The following HIF1A variants were observed in gnomAD, a reference collection of about 807,000 sequenced individuals.
The protein encoded by HIF1A is hypoxia-inducible factor 1-alpha.
A neutral mutation model predicts 92.7 loss-of-function variants in HIF1A; 24 were observed. The observed-to-expected ratio is 0.26, with a 90% CI of 0.19 to 0.36. The LOEUF (loss-of-function observed/expected upper bound fraction) is 0.36, where lower values mean the gene tolerates loss of function less well. Among genes scored for constraint, HIF1A ranks in the 10% least tolerant of loss-of-function variants. The pLI is 1.00. For missense variants in HIF1A, 799 were observed against 998.5 expected, an observed-to-expected ratio of 0.80 and a Z score of 2.69; for synonymous variants, 319 against 338.7, an observed-to-expected ratio of 0.94 and a Z score of 0.64.
intron 5 of HIF1A, 66 bp downstream of exon 5, chr14:61,726,884 T>G: frequency 1.1e-6 from 1 of 906,860 alleles, no homozygotes; most frequent in South Asian, 1.8e-5. Context: ...AGTATTAAGA[T>G]AACTTTAGAA....
At position 61,747,211 on chromosome 14, in the gene HIF1A, A is replaced by G; in HGVS notation, c.*126A>G. 2 of 668,908 alleles carry G rather than the reference A, an allele frequency of 3.0e-6. No homozygotes were observed. The highest frequency in any genetic ancestry group is 1.8e-5 in the African/African-American group (1 of 54,156). 41.4% of individuals were successfully genotyped at this position (668,908 alleles called of 1,614,324 possible). A position where few individuals can be genotyped will look rare whatever the true frequency, so the allele number is the denominator to read the frequency against. ...ATACTGCACAAACTTGGTTAGTTCA[A>G]TTTTGATCCCCTTTCTACTTAATTT... On this transcript the variant is annotated 3_prime_UTR_variant, in exon 15 of 15. Coordinates refer to ENST00000337138, the MANE Select transcript of HIF1A (RefSeq NM_001530.4).
intron 8 of HIF1A, among the ~76,000 whole-genome samples, chr14:61,735,826 C>T (rs575927037): frequency 2.6e-5 from 4 of 152,100 alleles, no homozygotes; most frequent in Non-Finnish European, 4.4e-5. Context: ...TTAGGACTAT[C>T]CTTAGATCAT....
chr14:61,718,419 G>A (rs892719099), intron 1 of HIF1A, among the ~76,000 whole-genome samples: 1 of 152,126 alleles, frequency 6.6e-6, no homozygotes, highest in African/African-American at 2.4e-5. Flanking sequence ...AACTTAAGGG[G>A]GTTGGGGAGG....
At chr14:61,710,003 C>CT (rs2044287953) in intron 1 of HIF1A, among the ~76,000 whole-genome samples, 1 of 152,036 alleles carries the variant, frequency 6.6e-6, no homozygotes. Context: ...ACTTTGCTAA[C>CT]ACTGTATATC....
rs546768437 is a variant in HIF1A at position 61,741,664 on chromosome 14, C to T, written c.2093+476C>T. 1.3e-3 allele frequency among the ~76,000 whole-genome samples: 195 copies of T among 152,212 alleles called. 2 individuals carry two copies. In the South Asian group the frequency reaches 0.016, roughly 12 times the overall value. Reference sequence around the variant, plus strand: ...GATTACAGGTGTGAGCCACCATGCCCGCTCCTATTTTTTCTAAAATAATTA... The same window carrying T: ...GATTACAGGTGTGAGCCACCATGCCTGCTCCTATTTTTTCTAAAATAATTA... On this transcript the variant is annotated intron_variant, in intron 12 of 14. Transcript: ENST00000337138.
At chr14:61,704,708 A>T (rs1951795) in intron 1 of HIF1A, among the ~76,000 whole-genome samples, 1 of 152,012 alleles carries the variant, frequency 6.6e-6, no homozygotes, top group African/African-American at 2.4e-5. Flanking sequence ...TGGTTCAAAA[A>T]ATTTCTTCAA....
chr14:61,713,232 T>G (rs2181600), intron 1 of HIF1A, among the ~76,000 whole-genome samples: 2,178 of 152,294 alleles, frequency 0.014, 52 homozygotes, highest in African/African-American at 0.05. Context: ...TAATGGGATT[T>G]TAATCAGGCC....
intron 1 of HIF1A, among the ~76,000 whole-genome samples, chr14:61,700,558 C>T (rs1428864295): frequency 6.6e-6 from 1 of 152,162 alleles, no homozygotes; most frequent in African/African-American, 2.4e-5. Context: ...GCAACGGACA[C>T]TTGGGTTGCT....
At chr14:61,734,391 T>C (rs747592206) in intron 8 of HIF1A, 106 bp downstream of exon 8, 24 of 760,448 alleles carry the variant, frequency 3.2e-5, no homozygotes, top group Non-Finnish European at 4.7e-5. Flanking sequence ...AACTAAATTT[T>C]AATTCTTTTA....
intron 12 of HIF1A, among the ~76,000 whole-genome samples, chr14:61,744,426 C>A (rs1283835767): frequency 1.3e-5 from 2 of 149,594 alleles, no homozygotes; most frequent in Non-Finnish European, 3.0e-5. Flanking sequence ...GGGAGGATCA[C>A]TTGATTCCAG....
chr14:61,702,890 C>T (rs185093425), intron 1 of HIF1A, among the ~76,000 whole-genome samples: 2 of 152,158 alleles, frequency 1.3e-5, no homozygotes, highest in Admixed American at 1.3e-4. Flanking sequence ...TGTTTTTAAC[C>T]TGCTTTTAAA....
At position 61,733,986 on chromosome 14, in the gene HIF1A, C is replaced by T. The variant is rs146405036; in HGVS notation, c.881-152C>T. Reference sequence around the variant, plus strand: ...GGGTACATTTTCAGCTATTCTGGGACGCACTGTCAGAATGTAAGCAGTTAC... The same window carrying T: ...GGGTACATTTTCAGCTATTCTGGGATGCACTGTCAGAATGTAAGCAGTTAC... On this transcript the variant is annotated intron_variant, in intron 7 of 14. Transcript: ENST00000337138. 2,316 of 491,152 alleles carry T rather than the reference C, an allele frequency of 4.7e-3. 8 individuals carry two copies. Among genetic ancestry groups the T allele is most frequent in the Non-Finnish European group, 5.7e-3 (1,655 of 289,278 alleles). 30.4% of individuals were successfully genotyped at this position (491,152 alleles called of 1,614,324 possible).
chr14:61,707,724 G>C (rs1224076607), intron 1 of HIF1A, among the ~76,000 whole-genome samples: 3 of 150,690 alleles, frequency 2.0e-5, no homozygotes, highest in African/African-American at 7.3e-5. Flanking sequence ...CATTTGGGTT[G>C]GTTCCAAGTC....
intron 1 of HIF1A, chr14:61,715,757 T>C (rs564261934): frequency 6.6e-6 from 1 of 152,458 alleles, no homozygotes; most frequent in African/African-American, 2.4e-5. Flanking sequence ...CCTCGCACTT[T>C]GGGAGGCCAA....
At chr14:61,744,540 T>A (rs2044753158) in intron 12 of HIF1A, among the ~76,000 whole-genome samples, 165 bp from the exon 13 acceptor site, 1 of 150,404 alleles carries the variant, frequency 6.6e-6, no homozygotes, top group African/African-American at 2.4e-5. Flanking sequence ...AAAATTAAGC[T>A]TTTACTTTTA....
In HIF1A at chr14:61,744,757, G is replaced by A. The variant is rs781241665; in HGVS notation, c.2146G>A (p.Ala716Thr). Residue 716 changes from alanine (A) to threonine (T), a missense_variant, in exon 13 of 15, where the codon GCT becomes ACT. By Grantham distance (58) the Ala-to-Thr change is moderately conservative. Around this residue, in one of 2 missense-constraint regions of HIF1A, gnomAD observed 283 missense variants for 277.5 expected, o/e 1.02. Transcript: ENST00000337138. ...LNPKILALQN[A>T]QRKRKMEHDG... ...TCCAAAGATACTAGCTTTGCAGAAT[G>A]CTCAGAGAAAGCGAAAAATGGAACA... is the stretch of plus-strand genomic sequence containing the variant. 1 of 1,603,432 alleles carries A rather than the reference G, an allele frequency of 6.2e-7. No individual in the cohort carries two copies. The highest frequency in any genetic ancestry group is 8.5e-7 in the Non-Finnish European group (1 of 1,172,620).
Position 61,737,000 on chromosome 14 carries a change from A to G in HIF1A, c.1140A>G (p.Ser380=). ...KMTQLFTKVE[S]EDTSSLFDKL... Reference sequence around the variant, plus strand: ...CTCAGCTATTCACCAAAGTTGAATCAGAAGATACAAGTAGCCTCTTTGACA... The same window carrying G: ...CTCAGCTATTCACCAAAGTTGAATCGGAAGATACAAGTAGCCTCTTTGACA... Residue 380 remains serine (S), a synonymous_variant, in exon 9 of 15, where the codon TCA becomes TCG. Transcript: ENST00000337138. The G allele has an allele frequency of 6.2e-7, 1 of 1,614,020 alleles. No individual in the cohort carries two copies. The highest frequency in any genetic ancestry group is 8.5e-7 in the Non-Finnish European group (1 of 1,179,834).
At chr14:61,724,138 T>C (rs1594872789) in intron 4 of HIF1A, among the ~76,000 whole-genome samples, 3 of 151,936 alleles carry the variant, frequency 2.0e-5, no homozygotes, top group African/African-American at 7.3e-5. Flanking sequence ...GTTTTTTTTT[T>C]CCTCATTAGG....
chr14:61,711,676 G>A (rs896424387), intron 1 of HIF1A, among the ~76,000 whole-genome samples: 7 of 152,080 alleles, frequency 4.6e-5, no homozygotes, highest in African/African-American at 1.7e-4. Context: ...TGACACTGCT[G>A]GCTCTGCTGG....
Sources: gnomAD v4.1 joint callset for allele counts (sites outside exome capture counted in the v4.1 genomes callset) on GRCh38, gnomAD v4.1.1 for gene constraint, gnomAD v4.1.1 regional missense constraint, MANE v1.5 for transcripts, NCBI Gene and HGNC (gene_info 2026-07-23, HGNC 2026-07-21) for gene names.